Variants in PTPRG observed in about 807,000 individuals in gnomAD.
PTPRG encodes the protein receptor-type tyrosine-protein phosphatase gamma.
Under a neutral mutation model 165.3 loss-of-function variants are expected in PTPRG, and 102 were observed. That is an observed-to-expected ratio of 0.62 (90% CI 0.53 to 0.73). The LOEUF is 0.73. Ranked by LOEUF, PTPRG falls within the 30% of genes least tolerant of loss-of-function variation. PTPRG has a pLI of 0.00. For missense variants in PTPRG, 1,866 were observed against 1,861.4 expected (o/e 1.00, Z -0.05); for synonymous variants, 675 against 669.5 (o/e 1.01, Z -0.13).
chr3:62,117,785 T>G (rs1702919701), intron 5 of PTPRG, among the ~76,000 whole-genome samples: 1 of 152,360 alleles, frequency 6.6e-6, no homozygotes, highest in Admixed American at 6.5e-5. Flanking sequence ...TCATTTTCTT[T>G]TGTCTGTACT....
chr3:61,579,885 A>G (rs1253928221), intron 1 of PTPRG, among the ~76,000 whole-genome samples: 2 of 152,204 alleles, frequency 1.3e-5, no homozygotes, highest in African/African-American at 2.4e-5. Context: ...CCCTCGAACA[A>G]CATGGGTTTG....
rs1024216698 is a variant in PTPRG at position 62,015,529 on chromosome 3, C to T, written c.519+12032C>T. 9.7e-4 allele frequency among the ~76,000 whole-genome samples: 147 copies of T among 152,118 alleles called. 1 individual carries two copies. The highest frequency in any genetic ancestry group is 3.4e-3 in the African/African-American group (140 of 41,488). On this transcript the variant is annotated intron_variant, in intron 4 of 29. Transcript: ENST00000474889. ...AACAAAAAAAATTTTTTTTTACAAC[C>T]CAAGGTCTTGCTGTGTTGCCCAGTC...
In PTPRG at chr3:62,233,089, G is replaced by A. The variant is rs535290987; in HGVS notation, c.2375+1778G>A. Among the ~76,000 whole-genome samples, 56 of 152,272 alleles carry A rather than the reference G, an allele frequency of 3.7e-4. No individual in the cohort carries two copies. The highest frequency in any genetic ancestry group is 3.4e-3 in the Middle Eastern group (1 of 294). ...AGTGTGTGAAATATATTAACCCATT[G>A]AGAAGATGAGGAAATTCAGGCTCTG... is the stretch of plus-strand genomic sequence containing the variant. On this transcript the variant is annotated intron_variant, in intron 14 of 29. Coordinates refer to ENST00000474889, the MANE Select transcript of PTPRG (RefSeq NM_002841.4). The surrounding 1 kb of genome is among the most constrained non-coding windows in gnomAD (Gnocchi z 4.7).
intron 2 of PTPRG, among the ~76,000 whole-genome samples, chr3:61,848,306 C>A (rs1174113319): frequency 6.6e-6 from 1 of 152,198 alleles, no homozygotes; most frequent in African/African-American, 2.4e-5. Flanking sequence ...GAAGTCACAG[C>A]CTTGCTGCAG....
At chr3:61,931,871 G>T (rs1393106678) in intron 2 of PTPRG, among the ~76,000 whole-genome samples, 1 of 152,168 alleles carries the variant, frequency 6.6e-6, no homozygotes, top group Non-Finnish European at 1.5e-5. Context: ...ACAAAATCGT[G>T]TTTCTGTTCT....
chr3:61,837,318 G>T (rs1396686002), intron 2 of PTPRG, among the ~76,000 whole-genome samples: 1 of 152,222 alleles, frequency 6.6e-6, no homozygotes, highest in Non-Finnish European at 1.5e-5. Context: ...AAAGTGCTGG[G>T]ATTCACAGGT....
chr3:61,636,452 T>C (rs980054916), intron 1 of PTPRG, among the ~76,000 whole-genome samples: 33 of 152,232 alleles, frequency 2.2e-4, no homozygotes, highest in Admixed American at 7.2e-4. Flanking sequence ...GCAAAATATT[T>C]TCAAGGTTCA....
intron 2 of PTPRG, among the ~76,000 whole-genome samples, chr3:61,887,308 C>G (rs2038078774): frequency 6.6e-6 from 1 of 151,696 alleles, no homozygotes; most frequent in Non-Finnish European, 1.5e-5. Flanking sequence ...GCAATCATTT[C>G]TTTGCTCTAA....
intron 1 of PTPRG, among the ~76,000 whole-genome samples, chr3:61,735,871 G>A (rs2032699719): frequency 6.6e-6 from 1 of 151,364 alleles, no homozygotes; most frequent in East Asian, 1.9e-4. Flanking sequence ...AGGCAGAGTT[G>A]AGGTTGAGGC....
intron 2 of PTPRG, among the ~76,000 whole-genome samples, chr3:61,837,478 G>T (rs1426068923): frequency 6.6e-6 from 1 of 152,238 alleles, no homozygotes; most frequent in African/African-American, 2.4e-5. Flanking sequence ...CCCATGTCTT[G>T]CTGAATGTTC....
intron 2 of PTPRG, among the ~76,000 whole-genome samples, chr3:61,933,858 T>A (rs1049265701): frequency 6.6e-6 from 1 of 152,230 alleles, no homozygotes; most frequent in Non-Finnish European, 1.5e-5. Flanking sequence ...AAACATGTAA[T>A]CAGTAGATCA....
At chr3:62,227,531 A>G (rs1700790029) in intron 13 of PTPRG, among the ~76,000 whole-genome samples, 2 of 152,230 alleles carry the variant, frequency 1.3e-5, no homozygotes, top group Admixed American at 1.3e-4. Context: ...AAGAGAGGAA[A>G]CGGTTTCCAG....
rs1553660803 is a variant in PTPRG, at chr3:61,752,795, A to AAAAAAAAG, written c.190+3819_190+3820insAGAAAAAA. Among the ~76,000 whole-genome samples the AAAAAAAAG allele has an allele frequency of 9.1e-4, 99 of 108,244 alleles. 1 individual carries two copies. The highest frequency in any genetic ancestry group is 1.5e-3 in the Admixed American group (14 of 9,532). 71.0% of individuals were successfully genotyped at this position (108,244 alleles called of 152,430 possible). On this transcript the variant is annotated intron_variant, in intron 2 of 29. Coordinates refer to ENST00000474889, the MANE Select transcript of PTPRG (RefSeq NM_002841.4). ...AGAGCAAGACTGTCTCAAAAAAAAAAAAAAAAGAAAAAAAAAAAGAAAATA... is the reference window on the plus strand; with the variant it reads ...AGAGCAAGACTGTCTCAAAAAAAAAAAAAAAAAGAAAAAAGAAAAAAAAAAAGAAAATA...
intron 4 of PTPRG, among the ~76,000 whole-genome samples, chr3:62,018,146 C>T (rs1268786176): frequency 6.6e-6 from 1 of 152,190 alleles, no homozygotes; most frequent in Non-Finnish European, 1.5e-5. Context: ...GTGAACAAGA[C>T]AAGCAAGCTC....
In PTPRG at chr3:61,941,225, G is replaced by A. The variant is rs565198118; in HGVS notation, c.191-48400G>A. The stretch of plus-strand genomic sequence containing the variant: ...CCATTGTCCTGCAGTCGTCCAACAT[G>A]CTTCATCCATGTAAAGGGCTTCGCC... On this transcript the variant is annotated intron_variant, in intron 2 of 29. Transcript: ENST00000474889. 2.0e-5 allele frequency among the ~76,000 whole-genome samples: 3 copies of A among 152,348 alleles called. No individual in the cohort carries two copies. In the East Asian group the frequency reaches 5.8e-4, roughly 29 times the overall value.
At chr3:62,168,513 A>C (rs1705086135) in intron 8 of PTPRG, among the ~76,000 whole-genome samples, 1 of 152,218 alleles carries the variant, frequency 6.6e-6, no homozygotes, top group Non-Finnish European at 1.5e-5. Context: ...CTCAGACATC[A>C]GTGAAACGGG....
chr3:62,191,490 A>T lies in PTPRG; in HGVS notation c.1055A>T (p.His352Leu). ...ASKVCSSPPI[H>L]MKVQPLNQTA... ...TCAGTTTGCAGCTCTCCACCCATCC[A>T]CATGAAGGTGCAGCCTCTGAACCAG... is the stretch of plus-strand genomic sequence containing the variant. The change falls in exon 9 of 30, where the codon CAC becomes CTC. Residue 352 changes from histidine to leucine, a missense_variant. By Grantham distance (99) the His-to-Leu change is moderately conservative. Coordinates refer to ENST00000474889, the MANE Select transcript of PTPRG (RefSeq NM_002841.4). The T allele has an allele frequency of 5.6e-6, 9 of 1,613,960 alleles. No homozygotes were observed. The highest frequency in any genetic ancestry group is 7.6e-6 in the Non-Finnish European group (9 of 1,180,000).
intron 5 of PTPRG, among the ~76,000 whole-genome samples, chr3:62,107,737 C>G (rs1168934287): frequency 6.6e-6 from 1 of 152,196 alleles, no homozygotes; most frequent in Non-Finnish European, 1.5e-5. Flanking sequence ...ACAGTAAAAA[C>G]TCATATTTGT....
chr3:61,859,828 T>C (rs2037212234), intron 2 of PTPRG, among the ~76,000 whole-genome samples: 1 of 152,180 alleles, frequency 6.6e-6, no homozygotes, highest in South Asian at 2.1e-4. Context: ...GTGGTAATTA[T>C]TGTTTCTTTT....
Sources: allele counts gnomAD v4.1 joint callset (sites outside exome capture counted in the v4.1 genomes callset), GRCh38; gene constraint gnomAD v4.1.1; non-coding constraint Gnocchi (gnomAD v3.1); transcripts MANE v1.5; gene names NCBI Gene and HGNC (gene_info 2026-07-23, HGNC 2026-07-21).